TLE2: variants seen among roughly 807,000 people sequenced by gnomAD.
TLE2 encodes transducin-like enhancer protein 2.
A neutral mutation model predicts 97.2 loss-of-function variants in TLE2; 74 were observed. That is an observed-to-expected ratio of 0.76 (90% CI 0.63 to 0.92). The LOEUF (loss-of-function observed/expected upper bound fraction) is 0.92, where lower values mean the gene tolerates loss of function less well. Among genes scored for constraint, TLE2 ranks in the 40% least tolerant of loss-of-function variants. The probability of loss-of-function intolerance (pLI) is 0.00; values close to 1 mark genes in which losing one functional copy is unlikely to be tolerated. For synonymous variants in TLE2, 499 were observed against 432.1 expected, an observed-to-expected ratio of 1.15 and a Z score of -1.92; for missense variants, 1,038 against 1,008.7, an observed-to-expected ratio of 1.03 and a Z score of -0.39.
intron 19 of TLE2, among the ~76,000 whole-genome samples, chr19:2,999,706 G>T (rs190926806): frequency 7.2e-6 from 1 of 139,536 alleles, no homozygotes; most frequent in Admixed American, 7.7e-5. Flanking sequence ...CAGCCTGGGT[G>T]ACAGAGTGAG....
chr19:3,014,499 C>G, intron 10 of TLE2, 71 bp downstream of exon 10: 1 of 1,380,956 alleles, frequency 7.2e-7, no homozygotes, highest in Non-Finnish European at 9.6e-7. Context: ...CCTCTGGGTC[C>G]TCCCAGTCCA....
chr19:3,000,217 G>A (rs8106981), intron 19 of TLE2, among the ~76,000 whole-genome samples: 7,671 of 150,112 alleles, frequency 0.051, 580 homozygotes, highest in African/African-American at 0.17. Context: ...GACTACAGGC[G>A]CCCACCACCA....
upstream of TLE2, among the ~76,000 whole-genome samples, chr19:3,030,768 T>TG (rs763098475): frequency 4.0e-5 from 6 of 151,894 alleles, no homozygotes; most frequent in Non-Finnish European, 8.8e-5. Context: ...AACATTTTTG[T>TG]GTTTTTTGTA....
At chr19:3,005,095 C>A (rs974959976) in intron 17 of TLE2, among the ~76,000 whole-genome samples, 1 of 152,018 alleles carries the variant, frequency 6.6e-6, no homozygotes, top group African/African-American at 2.4e-5. Flanking sequence ...GTGTGTCCCG[C>A]GCTCTCGGCG....
intron 19 of TLE2, among the ~76,000 whole-genome samples, chr19:3,000,438 C>A (rs1001945165): frequency 7.9e-5 from 12 of 152,094 alleles, no homozygotes; most frequent in African/African-American, 2.4e-4. Context: ...GAAAAACCAA[C>A]AGGCTACGGG....
chr19:3,006,309 C>A, intron 15 of TLE2, 111 bp downstream of exon 15: 1 of 1,467,596 alleles, frequency 6.8e-7, no homozygotes, highest in Non-Finnish European at 9.2e-7. Flanking sequence ...CTATAAGCCC[C>A]GCCCTTCACC....
At position 3,006,653 on chromosome 19, in the gene TLE2, C is replaced by T. The variant is rs372567438; in HGVS notation, c.1267G>A (p.Val423Met). 4 of 1,603,900 alleles carry T rather than the reference C, an allele frequency of 2.5e-6. No homozygotes were observed. Among genetic ancestry groups the T allele is most frequent in the Non-Finnish European group, 2.6e-6 (3 of 1,174,644 alleles). The change falls in exon 15 of 20, where the codon GTG (valine) becomes ATG (methionine). Residue 423 changes from valine to methionine, a missense_variant. Val to Met is a conservative substitution (Grantham distance 21). Transcript: ENST00000262953. The part of the protein sequence containing the change: ...PGGKPAYSFH[V>M]SADGQMQPVP... ...GGCTGCATCTGCCCGTCCGCAGACA[C>T]GTGGAAGGAGTAGGCCCTGGAGAGA...
Position 3,005,977 on chromosome 19 carries a change from G to A in TLE2, c.1501-9C>T, listed in dbSNP as rs779857584. On this transcript the variant is annotated splice_polypyrimidine_tract_variant and intron_variant, in intron 15 of 19. Coordinates refer to ENST00000262953, the MANE Select transcript of TLE2 (RefSeq NM_003260.5). ...ATGTAGTTGTCTCGGTTCTGGGGTC[G>A]GGGAGAGAAGCAGGGGCTGGGGGTT... 14 of 1,609,530 alleles carry A rather than the reference G, an allele frequency of 8.7e-6. No individual in the cohort carries two copies. In the African/African-American group the frequency reaches 9.4e-5, roughly 11 times the overall value.
At chr19:3,035,708 A>G (rs570809599) in intron 1 of TLE2, among the ~76,000 whole-genome samples, 19 of 152,256 alleles carry the variant, frequency 1.2e-4, no homozygotes, top group African/African-American at 4.6e-4. Flanking sequence ...GTGACGTCAC[A>G]TAGGAAACTG....
chr19:2,998,237 A>ATGTGTGTG (rs56398458), intron 19 of TLE2, among the ~76,000 whole-genome samples: 1,609 of 121,342 alleles, frequency 0.013, 33 homozygotes, highest in African/African-American at 0.049. Flanking sequence ...CGCCCGGCCA[A>ATGTGTGTG]TGTGTGTGTG....
chr19:3,016,893 C>G (rs985028955), intron 8 of TLE2, among the ~76,000 whole-genome samples: 1 of 151,762 alleles, frequency 6.6e-6, no homozygotes, highest in Non-Finnish European at 1.5e-5. Context: ...ATTCTTCTGC[C>G]TCAGCCTCCA....
At chr19:3,001,158 A>C (rs2089348874) in intron 18 of TLE2, among the ~76,000 whole-genome samples, 1 of 151,868 alleles carries the variant, frequency 6.6e-6, no homozygotes, top group South Asian at 2.1e-4. Flanking sequence ...CTGTAACTCC[A>C]GCTACTTGGG....
intron 19 of TLE2, 63 bp from the exon 20 acceptor site, chr19:2,998,018 G>C: frequency 8.2e-7 from 1 of 1,223,528 alleles, no homozygotes; most frequent in Non-Finnish European, 1.2e-6. Context: ...ATGGGTGTGT[G>C]GGCAAGGCTG....
intron 5 of TLE2, among the ~76,000 whole-genome samples, chr19:3,023,907 CAAAAGAAAAGA>C (rs139108329): frequency 0.17 from 25,775 of 147,882 alleles, 2,939 homozygotes; most frequent in East Asian, 0.32. Flanking sequence ...CACACACACA[CAAAAGAAAAGA>C]AAAAGAAAAA....
At chr19:3,033,590 G>A (rs1010909238), upstream of TLE2, among the ~76,000 whole-genome samples, 1 of 152,122 alleles carries the variant, frequency 6.6e-6, no homozygotes, top group Non-Finnish European at 1.5e-5. Flanking sequence ...GAGCCACCGC[G>A]CCCCTCCAGA....
chr19:3,008,929 T>C lies in TLE2; in HGVS notation c.1190A>G (p.His397Arg). ...GACGGATGACCCTCGGAGATGGGGA[T>C]GAGACTCAAATGCCATCTGTGAGAA... The part of the protein sequence containing the change: ...GRSPVMAFES[H>R]PHLRGSSVSS... Residue 397 changes from histidine (H) to arginine (R), a missense_variant, in exon 14 of 20, where the codon CAT becomes CGT. His to Arg is a conservative substitution (Grantham distance 29, BLOSUM62 0). Coordinates refer to ENST00000262953, the MANE Select transcript of TLE2 (RefSeq NM_003260.5). 6.3e-7 allele frequency: 1 copy of C among 1,592,424 alleles called. No homozygotes were observed. Among genetic ancestry groups the C allele is most frequent in the Non-Finnish European group, 8.5e-7 (1 of 1,169,656 alleles).
At chr19:3,017,581 G>A (rs1307590028) in intron 8 of TLE2, among the ~76,000 whole-genome samples, 1 of 151,656 alleles carries the variant, frequency 6.6e-6, no homozygotes, top group Admixed American at 6.6e-5. Context: ...CTCCCGAGTA[G>A]CTGACACAAC....
rs2089684544 is a variant in TLE2, at chr19:3,015,602, C to A, written c.678+51G>T. ...CTCTGGAAGGCTCTGAGGGGCCAGG[C>A]TGGTCTGGGCCATGCACGCCCATCC... On this transcript the variant is annotated intron_variant, in intron 9 of 19. Transcript: ENST00000262953. The A allele has an allele frequency of 2.1e-6, 3 of 1,461,096 alleles. No individual in the cohort carries two copies. In the Admixed American group the frequency reaches 5.8e-5, roughly 28 times the overall value. The allele number at this position is 1,461,096 out of a possible 1,614,324, so 90.5% of individuals were successfully genotyped here.
upstream of TLE2, among the ~76,000 whole-genome samples, chr19:3,031,451 T>A: frequency 6.6e-6 from 1 of 151,806 alleles, no homozygotes; most frequent in East Asian, 1.9e-4. Flanking sequence ...CCCACAAGGC[T>A]CTTCACAAAA....
Sources: allele counts gnomAD v4.1 joint callset (sites outside exome capture counted in the v4.1 genomes callset), GRCh38; gene constraint gnomAD v4.1.1; transcripts MANE v1.5; gene names NCBI Gene and HGNC (gene_info 2026-07-23, HGNC 2026-07-21).